Variants in POLD2 observed in about 807,000 individuals in gnomAD.
The protein encoded by POLD2 is DNA polymerase delta subunit 2.
POLD2 carries 31 observed loss-of-function variants against 48.8 expected under a neutral mutation model. That is an observed-to-expected ratio of 0.64 (90% CI 0.48 to 0.86). The LOEUF is 0.86. POLD2 is among the 40% of genes least tolerant of loss of function. The pLI, the probability that POLD2 is intolerant of heterozygous loss-of-function variation, is 0.00. For synonymous variants in POLD2, 233 were observed against 256.3 expected, an observed-to-expected ratio of 0.91 and a Z score of 0.87; for missense variants, 455 against 610.1, an observed-to-expected ratio of 0.75 and a Z score of 2.68.
At position 44,117,662 on chromosome 7, in the gene POLD2, A is replaced by C; in HGVS notation, c.423T>G (p.Arg141=). 1 of 1,610,010 alleles carries C rather than the reference A, an allele frequency of 6.2e-7. No individual in the cohort carries two copies. The highest frequency in any genetic ancestry group is 8.5e-7 in the Non-Finnish European group (1 of 1,178,172). Residue 141 remains arginine (R), a synonymous_variant, in exon 4 of 11, where the codon CGT becomes CGG. Transcript: ENST00000610533. The part of the protein sequence containing the change: ...DELVLEDELQ[R]IKLKGTIDVS... ...CGTCAATGGTGCCTTTTAGTTTGAT[A>C]CGCTGCAGTTCATCTTCCAAGACCA... is the stretch of plus-strand genomic sequence containing the variant.
At chr7:44,122,157 G>T (rs1443575542) in intron 1 of POLD2, 48 bp from the exon 2 acceptor site, 1 of 1,495,352 alleles carries the variant, frequency 6.7e-7, no homozygotes, top group East Asian at 2.4e-5. Context: ...ATCCCCCAAA[G>T]CAGCAGCTCT....
chr7:44,122,396 C>T, intron 1 of POLD2: 1 of 1,148,304 alleles, frequency 8.7e-7, no homozygotes, highest in Non-Finnish European at 1.1e-6. Flanking sequence ...CTACCAGGGT[C>T]TCAATCAAGT....
At chr7:44,118,202 A>AC (rs1308899135) in intron 2 of POLD2, 138 bp from the exon 3 acceptor site, 6 of 955,218 alleles carry the variant, frequency 6.3e-6, no homozygotes, top group Non-Finnish European at 9.1e-6. Flanking sequence ...AAGTACAAGG[A>AC]CCCCCTGGAC....
intron 1 of POLD2, chr7:44,123,275 T>A (rs1562699353): frequency 1.5e-6 from 2 of 1,358,088 alleles, no homozygotes; most frequent in African/African-American, 3.1e-5. Flanking sequence ...AACGAGTGAC[T>A]CGTTAGGAGC....
chr7:44,117,133 C>T lies in POLD2; in HGVS notation c.581G>A (p.Arg194Lys). Residue 194 changes from arginine to lysine, a missense_variant and splice_region_variant, in exon 5 of 11, where the codon AGG (arginine) becomes AAG (lysine). Physicochemically the swap from Arg to Lys is conservative, Grantham distance 26. Around this residue, in one of 3 missense-constraint regions of POLD2, gnomAD observed 349 missense variants for 437.4 expected, o/e 0.80. Transcript: ENST00000610533. ...CCAGCTCCCGAGAACTGCTGCTCAC[C>T]TATCTGTGTCAAGTGGGGGTGCGGG... ...QKPAPPLDTD[R>K]FVLLVSGLGL... 6.2e-7 allele frequency: 1 copy of T among 1,613,526 alleles called. No individual in the cohort carries two copies. The highest frequency in any genetic ancestry group is 8.5e-7 in the Non-Finnish European group (1 of 1,179,440).
chr7:44,118,095 G>C (rs751268879), intron 2 of POLD2, 31 bp from the exon 3 acceptor site: 2 of 1,611,824 alleles, frequency 1.2e-6, no homozygotes, highest in South Asian at 2.2e-5. Flanking sequence ...ACTCAGAGAT[G>C]AAGTAGCCCC....
chr7:44,115,985 A>G (rs897816944), intron 8 of POLD2, 92 bp from the exon 9 acceptor site: 1 of 1,601,638 alleles, frequency 6.2e-7, no homozygotes, highest in African/African-American at 1.3e-5. Flanking sequence ...GGGATGCCCC[A>G]GAGAGAAGGA....
rs778255587 is a variant in POLD2, at chr7:44,117,148, G to T, written c.566C>A (p.Pro189Gln). The T allele has an allele frequency of 5.6e-6, 9 of 1,613,604 alleles. No individual in the cohort carries two copies. The highest frequency in any genetic ancestry group is 5.5e-5 in the South Asian group (5 of 91,066). ...ADLAPQKPAP[P>Q]LDTDRFVLLV... ...TGCTGCTCACCTATCTGTGTCAAGT[G>T]GGGGTGCGGGCTTCTGGGGAGCAAG... The change falls in exon 5 of 11, where the codon CCA (proline) becomes CAA (glutamine). Residue 189 changes from proline to glutamine, a missense_variant. Coordinates refer to ENST00000610533, the MANE Select transcript of POLD2 (RefSeq NM_006230.4).
At chr7:44,119,117 T>C (rs1383726619) in intron 2 of POLD2, among the ~76,000 whole-genome samples, 1 of 145,698 alleles carries the variant, frequency 6.9e-6, no homozygotes, top group East Asian at 2.1e-4. Flanking sequence ...TGGAGTCAGG[T>C]GGCTTTGTTT....
chr7:44,115,919 T>C, intron 8 of POLD2, 26 bp from the exon 9 acceptor site: 1 of 1,614,134 alleles, frequency 6.2e-7, no homozygotes, highest in Non-Finnish European at 8.5e-7. Context: ...CAGCTGACTC[T>C]TGGCTTTGGG....
At chr7:44,120,313 C>T (rs2096246541) in intron 2 of POLD2, among the ~76,000 whole-genome samples, 1 of 152,156 alleles carries the variant, frequency 6.6e-6, no homozygotes. Context: ...AATGTGCGAC[C>T]AGAGGAGGTG....
At chr7:44,114,984 G>T in intron 10 of POLD2, 39 bp from the exon 11 acceptor site, 6 of 1,555,488 alleles carry the variant, frequency 3.9e-6, no homozygotes, top group Non-Finnish European at 5.3e-6. Flanking sequence ...TAGGTTCCAA[G>T]TAAGTCCTGC....
intron 8 of POLD2, 63 bp from the exon 9 acceptor site, chr7:44,115,956 C>G: frequency 6.2e-7 from 1 of 1,611,160 alleles, no homozygotes; most frequent in Non-Finnish European, 8.5e-7. Flanking sequence ...CAGCCCAGAG[C>G]TCATCTGGCG....
chr7:44,122,565 A>C, intron 1 of POLD2: 17 of 520,032 alleles, frequency 3.3e-5, no homozygotes, highest in Non-Finnish European at 4.2e-5. Context: ...CAAAACATAA[A>C]TCAGTCACTG....
chr7:44,123,243 C>G, intron 1 of POLD2: 1 of 1,348,888 alleles, frequency 7.4e-7, no homozygotes. Flanking sequence ...TGGCCTGGGA[C>G]ACAGGCTCCG....
Position 44,116,497 on chromosome 7 carries a change from G to T in POLD2, c.794C>A (p.Thr265Asn). The T allele has an allele frequency of 1.9e-6, 3 of 1,578,418 alleles. No individual in the cohort carries two copies. Among genetic ancestry groups the T allele is most frequent in the Non-Finnish European group, 2.6e-6 (3 of 1,161,244 alleles). ...RDSINKAKYL[T>N]KKTQAASVEA... ...CACGCTGGCTGCCTGGGTTTTCTTG[G>T]TGAGGTATTTGGCCTGGAATAGAAG... The change falls in exon 7 of 11, where the codon ACC becomes AAC. Residue 265 changes from threonine (T) to asparagine (N), a missense_variant. Physicochemically the swap from Thr to Asn is moderately conservative, Grantham distance 65. Coordinates refer to ENST00000610533, the MANE Select transcript of POLD2 (RefSeq NM_006230.4). This position sits in a 1 kb window ranked among gnomAD's most constrained non-coding sequence, Gnocchi z 6.1.
chr7:44,122,247 T>C, intron 1 of POLD2, 138 bp from the exon 2 acceptor site: 1 of 1,425,074 alleles, frequency 7.0e-7, no homozygotes, highest in Non-Finnish European at 9.1e-7. Flanking sequence ...TGTGTCCACT[T>C]GGAAATTTAT....
chr7:44,118,945 T>A (rs1201213322), intron 2 of POLD2, among the ~76,000 whole-genome samples: 1 of 152,118 alleles, frequency 6.6e-6, no homozygotes, highest in Non-Finnish European at 1.5e-5. Flanking sequence ...GCATGCCAAG[T>A]CTCAACACAG....
chr7:44,122,324 G>T, intron 1 of POLD2: 1 of 1,354,946 alleles, frequency 7.4e-7, no homozygotes, highest in Non-Finnish European at 9.5e-7. Flanking sequence ...AGCTAGGAGT[G>T]TTTGTCCCAT....
Sources: allele counts gnomAD v4.1 joint callset (sites outside exome capture counted in the v4.1 genomes callset), GRCh38; gene constraint gnomAD v4.1.1; regional missense constraint gnomAD v4.1.1; non-coding constraint Gnocchi (gnomAD v3.1); transcripts MANE v1.5; gene names NCBI Gene and HGNC (gene_info 2026-07-23, HGNC 2026-07-21).